The following STX8 variants were observed in gnomAD, a reference collection of about 807,000 sequenced individuals.
STX8 encodes syntaxin 8, also known as syntaxin-8.
Under a neutral mutation model 37.5 loss-of-function variants are expected in STX8, and 23 were observed. That is an observed-to-expected ratio of 0.61 (90% CI 0.44 to 0.87). The LOEUF (loss-of-function observed/expected upper bound fraction) is 0.87. STX8 is among the 40% of genes least tolerant of loss of function. The probability of loss-of-function intolerance (pLI) is 0.00; values close to 1 mark genes in which losing one functional copy is unlikely to be tolerated. For missense variants in STX8, 313 were observed against 284.7 expected (o/e 1.10, Z -0.71); for synonymous variants, 115 against 99.1 (o/e 1.16, Z -0.95).
At chr17:9,258,809 C>T (rs938607389) in intron 7 of STX8, among the ~76,000 whole-genome samples, 2 of 152,196 alleles carry the variant, frequency 1.3e-5, no homozygotes, top group Non-Finnish European at 2.9e-5. Context: ...TCAATGGAGT[C>T]TCTGCCCGCT....
intron 2 of STX8, among the ~76,000 whole-genome samples, chr17:9,564,064 T>C (rs544631601): frequency 6.6e-6 from 1 of 152,246 alleles, no homozygotes; most frequent in East Asian, 1.9e-4. Context: ...AAACACTCAA[T>C]AAACTAGGTA....
chr17:9,448,292 T>C (rs1405674404), intron 6 of STX8, among the ~76,000 whole-genome samples: 9 of 152,160 alleles, frequency 5.9e-5, no homozygotes, highest in Admixed American at 4.6e-4. Flanking sequence ...TTCAGAGTCA[T>C]TCGTGAACAT....
chr17:9,423,204 A>T (rs1913507438), intron 6 of STX8, among the ~76,000 whole-genome samples: 1 of 152,184 alleles, frequency 6.6e-6, no homozygotes, highest in Middle Eastern at 3.2e-3. Context: ...TTAAATATGC[A>T]TTTCCTTATT....
intron 6 of STX8, among the ~76,000 whole-genome samples, chr17:9,401,188 A>T (rs915907109): frequency 3.3e-5 from 5 of 152,226 alleles, no homozygotes; most frequent in Admixed American, 1.3e-4. Flanking sequence ...AAAGTATTTA[A>T]ATCTAAAAAT....
At chr17:9,494,170 C>T (rs1054314332) in intron 5 of STX8, among the ~76,000 whole-genome samples, 4 of 151,948 alleles carry the variant, frequency 2.6e-5, no homozygotes, top group African/African-American at 9.6e-5. Context: ...CGCCCGCCAC[C>T]ACGCCCGGCT....
chr17:9,303,160 G>A (rs1287086319), intron 7 of STX8, among the ~76,000 whole-genome samples: 8 of 151,976 alleles, frequency 5.3e-5, no homozygotes, highest in African/African-American at 1.7e-4. Context: ...GCGTGGTGGC[G>A]CATTCCTGTA....
chr17:9,314,868 C>A (rs1448802742), intron 7 of STX8, among the ~76,000 whole-genome samples: 1 of 150,574 alleles, frequency 6.6e-6, no homozygotes, highest in African/African-American at 2.4e-5. Context: ...CTTTGGGAGG[C>A]CGAGGCGGGC....
chr17:9,537,784 G>A (rs970173652), intron 4 of STX8, among the ~76,000 whole-genome samples: 1 of 152,212 alleles, frequency 6.6e-6, no homozygotes, highest in Non-Finnish European at 1.5e-5. Context: ...ACTTGCAAAA[G>A]AGAAAAGCAG....
intron 4 of STX8, among the ~76,000 whole-genome samples, chr17:9,544,551 C>T (rs1165861794): frequency 7.2e-5 from 11 of 151,820 alleles, no homozygotes; most frequent in Admixed American, 5.9e-4. Context: ...AAGTAGTGAC[C>T]TCAGGAGTTT....
At chr17:9,503,548 T>C (rs1283863183) in intron 5 of STX8, among the ~76,000 whole-genome samples, 2 of 152,190 alleles carry the variant, frequency 1.3e-5, no homozygotes, top group African/African-American at 2.4e-5. Context: ...TATTCATTAA[T>C]TTTTTTAAAG....
intron 7 of STX8, among the ~76,000 whole-genome samples, chr17:9,286,607 C>T (rs942746396): frequency 2.0e-5 from 3 of 150,482 alleles, no homozygotes; most frequent in Non-Finnish European, 4.4e-5. Flanking sequence ...TCAGACAACT[C>T]TAAGCTGGCT....
intron 7 of STX8, among the ~76,000 whole-genome samples, chr17:9,356,631 G>A (rs1910887390): frequency 6.6e-6 from 1 of 152,236 alleles, no homozygotes; most frequent in Admixed American, 6.5e-5. Context: ...AAGAAGAGGG[G>A]TGAGGCTGTT....
chr17:9,474,882 G>A (rs1255156530), intron 6 of STX8, among the ~76,000 whole-genome samples: 1 of 152,168 alleles, frequency 6.6e-6, no homozygotes, highest in Non-Finnish European at 1.5e-5. Context: ...TGAGGCAGGA[G>A]AATCGCTTGA....
chr17:9,265,559 G>A (rs9896201), intron 7 of STX8, among the ~76,000 whole-genome samples: 21,121 of 152,256 alleles, frequency 0.14, 3,057 homozygotes, highest in East Asian at 0.37. Context: ...CATTATATAC[G>A]TTACACATTG....
At chr17:9,344,611 G>C (rs1199286032) in intron 7 of STX8, among the ~76,000 whole-genome samples, 1 of 151,994 alleles carries the variant, frequency 6.6e-6, no homozygotes, top group Non-Finnish European at 1.5e-5. Context: ...CAGTGCCCAG[G>C]CACACTGAGA....
At chr17:9,436,989 T>C (rs1331204694) in intron 6 of STX8, among the ~76,000 whole-genome samples, 3 of 152,120 alleles carry the variant, frequency 2.0e-5, no homozygotes, top group Non-Finnish European at 4.4e-5. Flanking sequence ...AATATGAAAA[T>C]ACTTAACCTC....
intron 6 of STX8, among the ~76,000 whole-genome samples, chr17:9,408,096 T>G (rs1358525697): frequency 1.3e-5 from 2 of 152,158 alleles, no homozygotes; most frequent in African/African-American, 4.8e-5. Context: ...GAAAGTTAAG[T>G]CACGATATAT....
chr17:9,274,678 A>AAT (rs1907597872), intron 7 of STX8, among the ~76,000 whole-genome samples: 1 of 106,702 alleles, frequency 9.4e-6, no homozygotes, highest in African/African-American at 3.2e-5. Flanking sequence ...TCTGTCTCAA[A>AAT]AATAATAATA....
chr17:9,280,028 C>G (rs1449772260), intron 7 of STX8, among the ~76,000 whole-genome samples: 4 of 152,130 alleles, frequency 2.6e-5, no homozygotes, highest in African/African-American at 7.2e-5. Context: ...TGAGACCAGC[C>G]TGGGCAACAC....
Sources: gnomAD v4.1 joint callset for allele counts (sites outside exome capture counted in the v4.1 genomes callset) on GRCh38, gnomAD v4.1.1 for gene constraint, MANE v1.5 for transcripts, NCBI Gene and HGNC (gene_info 2026-07-23, HGNC 2026-07-21) for gene names.